SLC24A2: variants seen among roughly 807,000 people sequenced by gnomAD.
The protein encoded by SLC24A2 is sodium/potassium/calcium exchanger 2.
In SLC24A2, 36 loss-of-function variants were observed where a neutral mutation model predicts 62.0. The observed-to-expected ratio is 0.58, with a 90% CI of 0.44 to 0.77. The LOEUF is 0.77. SLC24A2 is among the 30% of genes least tolerant of loss of function. The pLI is 0.00. For missense variants in SLC24A2, 846 were observed against 817.9 expected (o/e 1.03, Z -0.42); for synonymous variants, 358 against 294.0 (o/e 1.22, Z -2.23).
chr9:19,601,167 A>G (rs1587016813), intron 4 of SLC24A2, among the ~76,000 whole-genome samples: 1 of 151,970 alleles, frequency 6.6e-6, no homozygotes, highest in African/African-American at 2.4e-5. Flanking sequence ...TGCACCAATC[A>G]GTGCTCTGTA....
the SLC24A2 span, among the ~76,000 whole-genome samples, chr9:20,207,595 C>G: frequency 1.3e-5 from 2 of 152,230 alleles, no homozygotes; most frequent in African/African-American, 4.8e-5. Flanking sequence ...CCTTTCTAGA[C>G]TGTCTCACAC....
intron 2 of SLC24A2, among the ~76,000 whole-genome samples, chr9:19,694,712 T>A (rs1280829668): frequency 6.6e-6 from 1 of 152,152 alleles, no homozygotes; most frequent in Non-Finnish European, 1.5e-5. Context: ...CAATATTAGT[T>A]ACAGAGGTAA....
the SLC24A2 span, among the ~76,000 whole-genome samples, chr9:20,125,246 C>A: frequency 6.6e-6 from 1 of 151,980 alleles, no homozygotes; most frequent in South Asian, 2.1e-4. Context: ...TCATAATACT[C>A]AATTTTTAGA....
chr9:19,994,745 T>C, the SLC24A2 span, among the ~76,000 whole-genome samples: 2 of 152,184 alleles, frequency 1.3e-5, no homozygotes, highest in African/African-American at 2.4e-5. Flanking sequence ...TGTGGCTTCA[T>C]GCACCGGTCC....
chr9:19,820,028 CATATATATATATACATAT>C, the SLC24A2 span, among the ~76,000 whole-genome samples: 1 of 54,586 alleles, frequency 1.8e-5, no homozygotes, highest in Non-Finnish European at 3.7e-5. Context: ...TATATATACA[CATATATATATATACATAT>C]ATATATATAC....
the SLC24A2 span, among the ~76,000 whole-genome samples, chr9:20,071,703 GC>G: frequency 3.9e-5 from 6 of 152,026 alleles, no homozygotes; most frequent in African/African-American, 1.4e-4. Flanking sequence ...GTGGAACCAA[GC>G]CCCCAACCTG....
chr9:19,918,140 A>ATGTGTG, the SLC24A2 span, among the ~76,000 whole-genome samples: 2,813 of 148,010 alleles, frequency 0.019, 26 homozygotes, highest in African/African-American at 0.028. Flanking sequence ...AACTGACATT[A>ATGTGTG]TGTGTGTGTG....
At chr9:20,270,745 C>T in the SLC24A2 span, among the ~76,000 whole-genome samples, 20,492 of 152,108 alleles carry the variant, frequency 0.13, 1,461 homozygotes, top group African/African-American at 0.18. Context: ...GACAAAAACC[C>T]GTGTCATCAT....
the SLC24A2 span, among the ~76,000 whole-genome samples, chr9:19,948,151 G>A: frequency 6.6e-6 from 1 of 152,194 alleles, no homozygotes; most frequent in East Asian, 1.9e-4. Context: ...ACCTGCACAA[G>A]TGACTGGATG....
the SLC24A2 span, among the ~76,000 whole-genome samples, chr9:19,990,850 TC>T: frequency 4.6e-5 from 4 of 87,296 alleles, no homozygotes; most frequent in African/African-American, 1.4e-4. Context: ...GTCTTGGTTA[TC>T]AAAAAAAAAA....
At chr9:20,009,683 G>T in the SLC24A2 span, among the ~76,000 whole-genome samples, 2 of 152,168 alleles carry the variant, frequency 1.3e-5, no homozygotes, top group African/African-American at 2.4e-5. Flanking sequence ...GCTAGTAGTG[G>T]AGAGGTAACC....
At chr9:19,593,597 C>G (rs968458034) in intron 5 of SLC24A2, among the ~76,000 whole-genome samples, 3 of 152,148 alleles carry the variant, frequency 2.0e-5, no homozygotes, top group African/African-American at 7.2e-5. Context: ...GAAATGCTTT[C>G]TTCAATAGCT....
chr9:20,292,195 C>A, the SLC24A2 span, among the ~76,000 whole-genome samples: 20,435 of 152,166 alleles, frequency 0.13, 2,840 homozygotes, highest in African/African-American at 0.33. Context: ...ACTGCAGTAC[C>A]TCTGTCTCCC....
At chr9:20,056,589 A>C in the SLC24A2 span, among the ~76,000 whole-genome samples, 5 of 152,330 alleles carry the variant, frequency 3.3e-5, no homozygotes, top group African/African-American at 1.2e-4. Flanking sequence ...TCAGTATCAA[A>C]AAGTTTTCCT....
At chr9:19,956,684 G>A in the SLC24A2 span, among the ~76,000 whole-genome samples, 2 of 152,198 alleles carry the variant, frequency 1.3e-5, no homozygotes, top group Non-Finnish European at 1.5e-5. Context: ...TCACTATCAC[G>A]AGAACAGCAT....
the SLC24A2 span, among the ~76,000 whole-genome samples, chr9:20,044,586 G>A: frequency 1.3e-5 from 2 of 152,112 alleles, no homozygotes; most frequent in African/African-American, 4.8e-5. Context: ...GGTCCTCACT[G>A]GGTCCTTGGG....
chr9:19,965,614 C>G, the SLC24A2 span, among the ~76,000 whole-genome samples: 1 of 152,118 alleles, frequency 6.6e-6, no homozygotes, highest in African/African-American at 2.4e-5. Context: ...TTGATTTAAC[C>G]TGTTTTGTCT....
chr9:19,786,743 G>C lies in SLC24A2; in HGVS notation c.124C>G (p.Leu42Val), dbSNP rs756587577. 6.2e-7 allele frequency: 1 copy of C among 1,602,956 alleles called. No homozygotes were observed. Among genetic ancestry groups the C allele is most frequent in the East Asian group, 2.2e-5 (1 of 44,732 alleles). ...CTAATGGCTACCAGACCCATGAAAA[G>C]GCCTAAGACTCGAATTAACTTCAGT... ...KKLKLIRVLG[L>V]FMGLVAISTV... The change falls in exon 2 of 11, where the codon CTT becomes GTT. Residue 42 changes from leucine (L) to valine (V), a missense_variant. Physicochemically the swap from Leu to Val is conservative, Grantham distance 32. Transcript: ENST00000341998. The surrounding 1 kb of genome is among the most constrained non-coding windows in gnomAD (Gnocchi z 5.0).
chr9:20,254,639 T>A, the SLC24A2 span, among the ~76,000 whole-genome samples: 1 of 152,052 alleles, frequency 6.6e-6, no homozygotes, highest in Admixed American at 6.5e-5. Context: ...CTAGACTAAG[T>A]CCATAGTGAC....
Sources: allele counts gnomAD v4.1 joint callset (sites outside exome capture counted in the v4.1 genomes callset), GRCh38; gene constraint gnomAD v4.1.1; non-coding constraint Gnocchi (gnomAD v3.1); transcripts MANE v1.5; gene names NCBI Gene and HGNC (gene_info 2026-07-23, HGNC 2026-07-21).